KANSL1L: variants seen among roughly 807,000 people sequenced by gnomAD.
KANSL1L encodes the protein KAT8 regulatory NSL complex subunit 1-like protein.
In KANSL1L, 25 loss-of-function variants were observed where a neutral mutation model predicts 108.6. The ratio of observed to expected loss-of-function variants is 0.23; its 90% CI spans 0.17 to 0.32. The LOEUF is 0.32. Ranked by LOEUF, KANSL1L falls within the 10% of genes least tolerant of loss-of-function variation. The pLI, the probability that KANSL1L is intolerant of heterozygous loss-of-function variation, is 1.00. For missense variants in KANSL1L, 1,137 were observed against 1,125.7 expected, an observed-to-expected ratio of 1.01 and a Z score of -0.14; for synonymous variants, 405 against 395.1, an observed-to-expected ratio of 1.03 and a Z score of -0.30.
At chr2:210,073,094 G>C (rs553535557) in intron 6 of KANSL1L, among the ~76,000 whole-genome samples, 4 of 152,132 alleles carry the variant, frequency 2.6e-5, no homozygotes, top group Admixed American at 1.3e-4. Context: ...TTGGCCACTA[G>C]GGGCCTCTTC....
intron 7 of KANSL1L, among the ~76,000 whole-genome samples, chr2:210,041,625 G>T (rs2094165207): frequency 6.6e-6 from 1 of 152,008 alleles, no homozygotes; most frequent in African/African-American, 2.4e-5. Context: ...TTTCTTTAGA[G>T]ACAAAGTCTT....
chr2:210,161,857 A>G (rs2095362985), intron 1 of KANSL1L, among the ~76,000 whole-genome samples: 1 of 151,864 alleles, frequency 6.6e-6, no homozygotes, highest in Non-Finnish European at 1.5e-5. Flanking sequence ...AGGAATACTG[A>G]TTTGAAAAGC....
rs565872861 is a variant in KANSL1L, at chr2:210,168,697, TG to T, written c.-30+2451del. Among the ~76,000 whole-genome samples the T allele has an allele frequency of 7.2e-5, 11 of 152,248 alleles. No homozygotes were observed. In the South Asian group the frequency reaches 2.3e-3, roughly 32 times the overall value. ...GGCTATGAGAAGTTAATTGACCTTC[TG>T]GTAGACAACTGTGATCAGATCACTG... On this transcript the variant is annotated intron_variant, in intron 1 of 14. Transcript: ENST00000281772.
intron 5 of KANSL1L, among the ~76,000 whole-genome samples, chr2:210,092,128 T>G (rs906169403): frequency 1.3e-5 from 2 of 152,204 alleles, no homozygotes; most frequent in African/African-American, 2.4e-5. Context: ...ATTTCCTATA[T>G]GTCCAGAGGT....
chr2:210,104,695 C>T (rs1027651481), intron 3 of KANSL1L, among the ~76,000 whole-genome samples: 1 of 152,084 alleles, frequency 6.6e-6, no homozygotes, highest in African/African-American at 2.4e-5. Flanking sequence ...GCTATTTGTG[C>T]TTTACATTTG....
chr2:210,027,271 TC>T, intron 12 of KANSL1L, 24 bp downstream of exon 12: 1 of 1,475,524 alleles, frequency 6.8e-7, no homozygotes, highest in Non-Finnish European at 9.5e-7. Flanking sequence ...TGTGCAATTA[TC>T]CCATTAAATG....
At chr2:210,047,165 T>C (rs1458515123) in intron 6 of KANSL1L, among the ~76,000 whole-genome samples, 2 of 152,230 alleles carry the variant, frequency 1.3e-5, no homozygotes, top group Non-Finnish European at 2.9e-5. Flanking sequence ...TACTAATCTC[T>C]TTATCAAAAG....
chr2:210,094,348 T>A (rs1421990269), intron 5 of KANSL1L, among the ~76,000 whole-genome samples: 1 of 152,108 alleles, frequency 6.6e-6, no homozygotes, highest in African/African-American at 2.4e-5. Context: ...CAGAAAGTGC[T>A]TTGTGGTTTA....
chr2:210,104,039 T>C, intron 4 of KANSL1L, 65 bp downstream of exon 4: 1 of 1,245,778 alleles, frequency 8.0e-7, no homozygotes, highest in South Asian at 1.2e-5. Context: ...TGATGTTTAT[T>C]TGAATAGTTT....
intron 9 of KANSL1L, among the ~76,000 whole-genome samples, chr2:210,030,211 A>C (rs1413511999): frequency 1.3e-5 from 2 of 151,820 alleles, no homozygotes; most frequent in Admixed American, 6.6e-5. Flanking sequence ...ACTCCTATTC[A>C]TAGTTGAACC....
intron 5 of KANSL1L, chr2:210,097,856 A>G (rs955007156): frequency 7.7e-6 from 2 of 259,376 alleles, no homozygotes; most frequent in African/African-American, 2.3e-5. Flanking sequence ...TTTAAGAAAC[A>G]TTATGAAACT....
intron 6 of KANSL1L, among the ~76,000 whole-genome samples, chr2:210,064,742 G>A (rs1162527267): frequency 6.7e-6 from 1 of 149,228 alleles, no homozygotes; most frequent in Non-Finnish European, 1.5e-5. Flanking sequence ...CTGGGAGGTC[G>A]AGGCTGCAGT....
At chr2:210,128,945 G>T in intron 3 of KANSL1L, 86 bp downstream of exon 3, 1 of 1,113,386 alleles carries the variant, frequency 9.0e-7, no homozygotes, top group Non-Finnish European at 1.3e-6. Context: ...ATAAAACCTT[G>T]TAACAATTAT....
intron 1 of KANSL1L, among the ~76,000 whole-genome samples, chr2:210,166,177 T>C (rs916998187): frequency 1.3e-5 from 2 of 152,136 alleles, no homozygotes; most frequent in African/African-American, 2.4e-5. Flanking sequence ...GTTTAATCTA[T>C]ATTTTTTAAG....
chr2:210,026,965 G>T (rs1175544801), intron 12 of KANSL1L, among the ~76,000 whole-genome samples: 1 of 152,120 alleles, frequency 6.6e-6, no homozygotes, highest in Non-Finnish European at 1.5e-5. Context: ...TAGAGACGGG[G>T]TTTCACCGTG....
chr2:210,146,679 G>A (rs1432854176), intron 2 of KANSL1L, among the ~76,000 whole-genome samples: 1 of 152,202 alleles, frequency 6.6e-6, no homozygotes, highest in African/African-American at 2.4e-5. Flanking sequence ...TTCTCCACCT[G>A]ATTCTGTGAG....
At chr2:210,097,214 C>G in intron 5 of KANSL1L, 1 of 961,988 alleles carries the variant, frequency 1.0e-6, no homozygotes, top group Non-Finnish European at 1.2e-6. Context: ...TATTTTAAGA[C>G]TTTGTTTACA....
At chr2:210,130,366 T>C (rs1028099425) in intron 2 of KANSL1L, among the ~76,000 whole-genome samples, 3 of 152,244 alleles carry the variant, frequency 2.0e-5, no homozygotes, top group Admixed American at 6.5e-5. Context: ...CACTGGACCA[T>C]AATGGAATAT....
chr2:210,047,571 A>G (rs1041870086), intron 6 of KANSL1L, among the ~76,000 whole-genome samples: 7 of 152,234 alleles, frequency 4.6e-5, no homozygotes, highest in African/African-American at 1.7e-4. Flanking sequence ...TATTTCTACT[A>G]ACACTCTGTT....
Sources: allele counts gnomAD v4.1 joint callset (sites outside exome capture counted in the v4.1 genomes callset), GRCh38; gene constraint gnomAD v4.1.1; transcripts MANE v1.5; gene names NCBI Gene and HGNC (gene_info 2026-07-23, HGNC 2026-07-21).